The following PIP5K1C variants were observed in gnomAD, a reference collection of about 807,000 sequenced individuals.
PIP5K1C encodes the protein phosphatidylinositol 4-phosphate 5-kinase type-1 gamma.
PIP5K1C carries 45 observed loss-of-function variants against 80.1 expected under a neutral mutation model. That is an observed-to-expected ratio of 0.56 (90% CI 0.44 to 0.72). The LOEUF (loss-of-function observed/expected upper bound fraction) is 0.72, where lower values mean the gene tolerates loss of function less well. PIP5K1C is among the 30% of genes least tolerant of loss of function. The pLI is 0.00. For missense variants in PIP5K1C, 753 were observed against 954.6 expected (o/e 0.79, Z 2.78); for synonymous variants, 498 against 420.1 (o/e 1.19, Z -2.27).
intron 6 of PIP5K1C, among the ~76,000 whole-genome samples, 181 bp downstream of exon 6, chr19:3,656,224 G>C (rs1423454975): frequency 6.6e-6 from 1 of 152,180 alleles, no homozygotes; most frequent in Non-Finnish European, 1.5e-5. Context: ...GGCGGCTCCT[G>C]AACACTGGTG....
intron 1 of PIP5K1C, among the ~76,000 whole-genome samples, chr19:3,697,796 A>C (rs2036172006): frequency 6.6e-6 from 1 of 152,142 alleles, no homozygotes; most frequent in Non-Finnish European, 1.5e-5. Context: ...CACAGCTCAG[A>C]CCAAACTCCA....
chr19:3,677,784 G>GAGAC (rs1568349209), intron 1 of PIP5K1C, among the ~76,000 whole-genome samples: 1 of 85,996 alleles, frequency 1.2e-5, no homozygotes, highest in Non-Finnish European at 2.4e-5. Flanking sequence ...GAGGGATGGA[G>GAGAC]GGAGGGATGC....
At chr19:3,676,374 G>A (rs1274275134) in intron 1 of PIP5K1C, among the ~76,000 whole-genome samples, 1 of 152,258 alleles carries the variant, frequency 6.6e-6, no homozygotes, top group African/African-American at 2.4e-5. Flanking sequence ...ACCCTGGTGA[G>A]TGGCCCGCCC....
At position 3,696,281 on chromosome 19, in the gene PIP5K1C, T is replaced by C. The variant is rs1294972819; in HGVS notation, c.94+4016A>G. 1.3e-5 allele frequency among the ~76,000 whole-genome samples: 2 copies of C among 152,218 alleles called. No homozygotes were observed. The highest frequency in any genetic ancestry group is 2.9e-5 in the Non-Finnish European group (2 of 68,032). ...GGCACTGCTGGCCTCATGCACCTGATGTTCACCAGGATCTGCACTGTGCTG... is the reference window on the plus strand; with the variant it reads ...GGCACTGCTGGCCTCATGCACCTGACGTTCACCAGGATCTGCACTGTGCTG... On this transcript the variant is annotated intron_variant, in intron 1 of 17. Coordinates refer to ENST00000335312, the MANE Select transcript of PIP5K1C (RefSeq NM_012398.3). The surrounding 1 kb of genome is among the most constrained non-coding windows in gnomAD (Gnocchi z 4.1).
intron 1 of PIP5K1C, among the ~76,000 whole-genome samples, chr19:3,698,514 G>A (rs948703692): frequency 1.2e-4 from 18 of 152,234 alleles, no homozygotes; most frequent in Admixed American, 9.8e-4. Context: ...ATAAACGTGT[G>A]GCATTTCTCA....
intron 16 of PIP5K1C, among the ~76,000 whole-genome samples, chr19:3,635,230 T>A (rs992762323): frequency 6.6e-6 from 1 of 152,230 alleles, no homozygotes; most frequent in Admixed American, 6.5e-5. Context: ...GGGATGACAG[T>A]ATCCTTCTGC....
At position 3,633,514 on chromosome 19, in the gene PIP5K1C, C is replaced by T. The variant is rs1312504524; in HGVS notation, c.1927G>A (p.Asp643Asn). ...GGGGAGTACACCCAGCTCCTCTCAT[C>T]GGTGGGCTGGCAGGTGGGCGCGCGT... ...APATDIYFPT[D>N]ERSWVYSPLH... is the part of the protein sequence containing the mutation. Residue 643 changes from aspartate to asparagine, a missense_variant, in exon 17 of 18, where the codon GAT becomes AAT. Physicochemically the swap from Asp to Asn is conservative, Grantham distance 23 (BLOSUM62 1). Around this residue, in one of 6 missense-constraint regions of PIP5K1C, gnomAD observed 315 missense variants for 294.5 expected, o/e 1.07. Transcript: ENST00000335312. The T allele has an allele frequency of 6.0e-6, 9 of 1,489,902 alleles. No individual in the cohort carries two copies. Among genetic ancestry groups the T allele is most frequent in the South Asian group, 1.4e-5 (1 of 70,928 alleles). 92.3% of individuals were successfully genotyped at this position (1,489,902 alleles called of 1,614,324 possible). A position where few individuals can be genotyped will look rare whatever the true frequency, so the allele number is the denominator to read the frequency against.
intron 1 of PIP5K1C, 117 bp downstream of exon 1, chr19:3,700,180 G>A (rs1208887242): frequency 2.1e-6 from 1 of 487,362 alleles, no homozygotes; most frequent in Non-Finnish European, 2.8e-6. Context: ...CCAGGCTCCT[G>A]GAACCGGCGG....
chr19:3,641,252 T>A (rs912544064), intron 15 of PIP5K1C, among the ~76,000 whole-genome samples: 37 of 151,950 alleles, frequency 2.4e-4, no homozygotes, highest in South Asian at 6.2e-4. Flanking sequence ...AAAATAAAAT[T>A]AAATTAATAA....
intron 16 of PIP5K1C, chr19:3,636,789 G>A (rs917922487): frequency 2.0e-6 from 2 of 986,910 alleles, no homozygotes; most frequent in Non-Finnish European, 1.2e-6. Context: ...GTCTCGAGGG[G>A]ACACTCCTGC....
intron 1 of PIP5K1C, among the ~76,000 whole-genome samples, chr19:3,691,850 A>T (rs1485183860): frequency 6.6e-6 from 1 of 152,172 alleles, no homozygotes; most frequent in Non-Finnish European, 1.5e-5. Context: ...CACAAGCGAG[A>T]AATGAGCCTC....
intron 17 of PIP5K1C, 42 bp downstream of exon 17, chr19:3,633,395 T>G: frequency 7.1e-7 from 1 of 1,411,694 alleles, no homozygotes; most frequent in Non-Finnish European, 9.5e-7. Flanking sequence ...AGTAGAACCT[T>G]GGAGCCCACG....
intron 1 of PIP5K1C, among the ~76,000 whole-genome samples, chr19:3,695,463 G>A: frequency 6.6e-6 from 1 of 152,168 alleles, no homozygotes; most frequent in East Asian, 1.9e-4. Flanking sequence ...CAGGAGAAAG[G>A]CAGCCATCAC....
At chr19:3,673,226 C>A (rs2035266001) in intron 1 of PIP5K1C, among the ~76,000 whole-genome samples, 1 of 152,154 alleles carries the variant, frequency 6.6e-6, no homozygotes, top group South Asian at 2.1e-4. Context: ...ACGAGCGGTG[C>A]CTCTGCCTGG....
At chr19:3,679,640 G>T (rs976714739) in intron 1 of PIP5K1C, among the ~76,000 whole-genome samples, 1 of 152,258 alleles carries the variant, frequency 6.6e-6, no homozygotes, top group South Asian at 2.1e-4. Context: ...GATCCAGAGG[G>T]GTCCTCAGCT....
chr19:3,690,675 C>T (rs1346085625), intron 1 of PIP5K1C, among the ~76,000 whole-genome samples: 3 of 152,248 alleles, frequency 2.0e-5, no homozygotes, highest in Admixed American at 6.5e-5. Context: ...TAACAATCAT[C>T]GTAGGAGAAG....
intron 16 of PIP5K1C, chr19:3,636,492 C>T (rs1479510649): frequency 5.1e-6 from 5 of 985,456 alleles, no homozygotes; most frequent in Admixed American, 6.1e-5. Context: ...CCTCCGTAGG[C>T]GGCCTCTGCG....
chr19:3,690,170 AAGGT>A (rs1444485145), intron 1 of PIP5K1C, among the ~76,000 whole-genome samples: 2 of 152,042 alleles, frequency 1.3e-5, no homozygotes, highest in Admixed American at 6.5e-5. Flanking sequence ...CTGTAGCATG[AAGGT>A]AAAGGCAGAG....
rs74964157 is a variant in PIP5K1C at position 3,667,462 on chromosome 19, C to T, written c.95-109G>A. The stretch of plus-strand genomic sequence containing the variant: ...CGCCCCAGGCCTGGCGTGTGTAACT[C>T]CGCGTGGGGCTGGTCTCAAGGCTAC... On this transcript the variant is annotated intron_variant, in intron 1 of 17. Transcript: ENST00000335312. 0.046 allele frequency: 53,881 copies of T among 1,164,494 alleles called. 2,000 individuals carry two copies. Among genetic ancestry groups the T allele is most frequent in the East Asian group, 0.15 (6,496 of 42,566 alleles). 72.1% of individuals were successfully genotyped at this position (1,164,494 alleles called of 1,614,324 possible).
Sources: gnomAD v4.1 joint callset for allele counts (sites outside exome capture counted in the v4.1 genomes callset) on GRCh38, gnomAD v4.1.1 for gene constraint, gnomAD v4.1.1 regional missense constraint, Gnocchi (gnomAD v3.1) non-coding constraint, MANE v1.5 for transcripts, NCBI Gene and HGNC (gene_info 2026-07-23, HGNC 2026-07-21) for gene names.